SAFB2: variants seen among roughly 807,000 people sequenced by gnomAD.
SAFB2 encodes the protein scaffold attachment factor B2.
SAFB2 carries 32 observed loss-of-function variants against 100.6 expected under a neutral mutation model. That is an observed-to-expected ratio of 0.32 (90% CI 0.24 to 0.43). SAFB2 has a LOEUF of 0.43. Among genes scored for constraint, SAFB2 ranks in the 20% least tolerant of loss-of-function variants. SAFB2 has a pLI of 1.00. For synonymous variants in SAFB2, 500 were observed against 439.4 expected (o/e 1.14, Z -1.72); for missense variants, 1,185 against 1,163.4 (o/e 1.02, Z -0.27).
chr19:5,594,521 A>C (rs2052494769), intron 14 of SAFB2, among the ~76,000 whole-genome samples: 1 of 152,162 alleles, frequency 6.6e-6, no homozygotes, highest in African/African-American at 2.4e-5. Flanking sequence ...CAGAGGGACA[A>C]GCCTCCTTCA....
At chr19:5,608,154 C>A (rs1176816882) in intron 9 of SAFB2, among the ~76,000 whole-genome samples, 1 of 152,166 alleles carries the variant, frequency 6.6e-6, no homozygotes, top group Non-Finnish European at 1.5e-5. Context: ...CTGTTTTTGT[C>A]CAGAGCTGAG....
Position 5,590,331 on chromosome 19 carries a change from GC to G in SAFB2, c.2471del (p.Gly824AlafsTer8), listed in dbSNP as rs759920279. ...HGRDSRDGWG[G>X]YGSDKRLSEG... ...CACTCAGCCTCTTGTCGGAGCCGTA[GC>G]CCCCCCAGCCATCACGGGAGTCCCG... is the stretch of plus-strand genomic sequence containing the variant. On this transcript the variant is annotated frameshift_variant, in exon 18 of 21. Transcript: ENST00000252542. LOFTEE classifies it high-confidence loss of function. 1 of 1,609,322 alleles carries G rather than the reference GC, an allele frequency of 6.2e-7. No homozygotes were observed. Among genetic ancestry groups the G allele is most frequent in the Non-Finnish European group, 8.5e-7 (1 of 1,178,538 alleles).
At chr19:5,612,653 C>T in intron 5 of SAFB2, 86 bp from the exon 6 acceptor site, 1 of 1,046,586 alleles carries the variant, frequency 9.6e-7, no homozygotes, top group Non-Finnish European at 1.5e-6. Flanking sequence ...TTTCAATCAT[C>T]TGTGAATAAA....
chr19:5,612,426 T>C, intron 6 of SAFB2, 114 bp downstream of exon 6: 1 of 927,778 alleles, frequency 1.1e-6, no homozygotes, highest in Non-Finnish European at 1.8e-6. Context: ...TGATCTGGAT[T>C]GTCCACCATT....
intron 12 of SAFB2, among the ~76,000 whole-genome samples, chr19:5,599,714 T>C (rs1357411486): frequency 6.6e-6 from 1 of 152,176 alleles, no homozygotes; most frequent in Admixed American, 6.5e-5. Flanking sequence ...CTTCAACAGA[T>C]GCTTGGAGGT....
intron 4 of SAFB2, among the ~76,000 whole-genome samples, chr19:5,615,556 T>A (rs1023501219): frequency 3.1e-4 from 46 of 146,070 alleles, no homozygotes; most frequent in African/African-American, 6.4e-4. Flanking sequence ...AAAAAAAAAA[T>A]TTTTTTTTAA....
Position 5,587,975 on chromosome 19 carries a change from C to T in SAFB2, c.2531G>A (p.Gly844Asp). The T allele has an allele frequency of 6.2e-7, 1 of 1,610,776 alleles. No homozygotes were observed. The highest frequency in any genetic ancestry group is 8.5e-7 in the Non-Finnish European group (1 of 1,178,752). ...GRGLPPPPRG[G>D]RDWGEHNQRL... ...CTGGTTGTGCTCTCCCCAGTCACGGCCACCCCTTTGCCAAAAGAAAAAGAC... is the reference window on the plus strand; with the variant it reads ...CTGGTTGTGCTCTCCCCAGTCACGGTCACCCCTTTGCCAAAAGAAAAAGAC... The change falls in exon 19 of 21, where the codon GGC (glycine) becomes GAC (aspartate). Residue 844 changes from glycine to aspartate, a missense_variant. By Grantham distance (94) the Gly-to-Asp change is moderately conservative (BLOSUM62 -1). Coordinates refer to ENST00000252542, the MANE Select transcript of SAFB2 (RefSeq NM_014649.3). This position sits in a 1 kb window ranked among gnomAD's most constrained non-coding sequence, Gnocchi z 4.9.
intron 1 of SAFB2, among the ~76,000 whole-genome samples, chr19:5,622,070 C>A (rs1379236631): frequency 6.6e-6 from 1 of 152,230 alleles, no homozygotes; most frequent in African/African-American, 2.4e-5. Flanking sequence ...ACGAGAAGAT[C>A]TGGGGGACCC....
chr19:5,595,538 T>C (rs1262474733), intron 13 of SAFB2, 41 bp from the exon 14 acceptor site: 1 of 1,607,488 alleles, frequency 6.2e-7, no homozygotes, highest in Non-Finnish European at 8.5e-7. Context: ...GGAAAATGAT[T>C]GCAACAAACA....
chr19:5,622,535 T>C lies in SAFB2; in HGVS notation c.181A>G (p.Lys61Glu). ...GNKSVLMERL[K>E]KAVKEEGQDP... ...CGAGCCCCGCGCCGCCTCACCTTCT[T>C]GAGCCGCTCCATCAGGACGCTCTTG... is the stretch of plus-strand genomic sequence containing the variant. Residue 61 changes from lysine (K) to glutamate (E), a missense_variant, in exon 1 of 21, where the codon AAG becomes GAG. Lys to Glu is a moderately conservative substitution (Grantham distance 56). This residue lies in a region of SAFB2 where 351 missense variants were observed against 341.2 expected (regional missense o/e 1.03). Transcript: ENST00000252542. The C allele has an allele frequency of 1.9e-6, 3 of 1,611,564 alleles. No individual in the cohort carries two copies. Among genetic ancestry groups the C allele is most frequent in the Non-Finnish European group, 2.5e-6 (3 of 1,179,128 alleles).
intron 9 of SAFB2, 108 bp from the exon 10 acceptor site, chr19:5,605,044 T>C (rs1467710059): frequency 7.8e-7 from 1 of 1,278,624 alleles, no homozygotes; most frequent in Non-Finnish European, 1.1e-6. Context: ...CCTCTCCCCA[T>C]ATGGTAGTTT....
At chr19:5,607,266 CAAACAA>C (rs573080593) in intron 9 of SAFB2, among the ~76,000 whole-genome samples, 91 of 151,874 alleles carry the variant, frequency 6.0e-4, no homozygotes, top group South Asian at 1.9e-3. Flanking sequence ...GTCTCAAAAA[CAAACAA>C]AAACAAAAAC....
In SAFB2 at chr19:5,619,215, G is replaced by A. The variant is rs569952489; in HGVS notation, c.274+2094C>T. The stretch of plus-strand genomic sequence containing the variant: ...GCTTTATCCATTAGCCACGTGCCCC[G>A]ACACCTCTAGAGAACATCACCAGCT... On this transcript the variant is annotated intron_variant, in intron 2 of 20. Transcript: ENST00000252542. Among the ~76,000 whole-genome samples, 7 of 152,236 alleles carry A rather than the reference G, an allele frequency of 4.6e-5. No individual in the cohort carries two copies. The South Asian group carries it at 6.2e-4, about 14-fold the overall frequency.
At position 5,593,956 on chromosome 19, in the gene SAFB2, GCGC is replaced by G; in HGVS notation, c.2139_2141del (p.Arg714del). On this transcript the variant is annotated inframe_deletion, in exon 15 of 21. Coordinates refer to ENST00000252542, the MANE Select transcript of SAFB2 (RefSeq NM_014649.3). Reference sequence around the variant, plus strand: ...GCTCGTAACGCAGCTGCTCCTGCTGGCGCCGCAGCTCCTCGCGCTCGCGGTGGA... The same window carrying G: ...GCTCGTAACGCAGCTGCTCCTGCTGGCGCAGCTCCTCGCGCTCGCGGTGGA... The G allele has an allele frequency of 8.4e-6, 13 of 1,554,576 alleles. No individual in the cohort carries two copies. The highest frequency in any genetic ancestry group is 1.1e-5 in the Non-Finnish European group (13 of 1,158,458).
At chr19:5,605,863 G>A (rs1280756112) in intron 9 of SAFB2, among the ~76,000 whole-genome samples, 2 of 152,210 alleles carry the variant, frequency 1.3e-5, no homozygotes, top group Non-Finnish European at 2.9e-5. Flanking sequence ...AGACAGCACT[G>A]AGATTCTGAG....
At chr19:5,621,487 C>G in intron 1 of SAFB2, 91 bp from the exon 2 acceptor site, 1 of 873,294 alleles carries the variant, frequency 1.1e-6, no homozygotes, top group Non-Finnish European at 1.9e-6. Flanking sequence ...GAAACAAAGG[C>G]AAACCCGTCC....
At chr19:5,611,971 T>C in intron 6 of SAFB2, 1 of 432,560 alleles carries the variant, frequency 2.3e-6, no homozygotes, top group Non-Finnish European at 4.3e-6. Context: ...CCGAATGCAA[T>C]CACCATTCAA....
At chr19:5,593,853 C>T (rs1368326477) in intron 15 of SAFB2, 38 bp downstream of exon 15, 13 of 1,420,968 alleles carry the variant, frequency 9.1e-6, no homozygotes, top group Admixed American at 2.9e-5. Flanking sequence ...CGCTGCCACG[C>T]TGGTCTCCGT....
intron 18 of SAFB2, 47 bp downstream of exon 18, chr19:5,590,231 C>G (rs755934570): frequency 7.0e-7 from 1 of 1,426,232 alleles, no homozygotes; most frequent in African/African-American, 1.4e-5. Flanking sequence ...AACCTTTTCC[C>G]AGGTTAGGAC....
Sources: gnomAD v4.1 joint callset for allele counts (sites outside exome capture counted in the v4.1 genomes callset) on GRCh38, gnomAD v4.1.1 for gene constraint, gnomAD v4.1.1 regional missense constraint, Gnocchi (gnomAD v3.1) non-coding constraint, MANE v1.5 for transcripts, NCBI Gene and HGNC (gene_info 2026-07-23, HGNC 2026-07-21) for gene names.